RIMS1: variants seen among roughly 807,000 people sequenced by gnomAD.
RIMS1 encodes the protein regulating synaptic membrane exocytosis 1.
Under a neutral mutation model 214.1 loss-of-function variants are expected in RIMS1, and 83 were observed. The ratio of observed to expected loss-of-function variants is 0.39; its 90% CI spans 0.32 to 0.47. The LOEUF (loss-of-function observed/expected upper bound fraction) is 0.47. RIMS1 is among the 20% of genes least tolerant of loss of function. The pLI is 0.99. For synonymous variants in RIMS1, 793 were observed against 786.8 expected, an observed-to-expected ratio of 1.01 and a Z score of -0.13; for missense variants, 2,050 against 2,161.8, an observed-to-expected ratio of 0.95 and a Z score of 1.03.
chr6:72,255,639 G>C (rs995685492), intron 16 of RIMS1, among the ~76,000 whole-genome samples: 1 of 152,104 alleles, frequency 6.6e-6, no homozygotes, highest in Non-Finnish European at 1.5e-5. Context: ...TATACAGAAT[G>C]CCCTCATCTG....
At chr6:72,057,163 G>A (rs1257092414) in intron 2 of RIMS1, among the ~76,000 whole-genome samples, 1 of 152,084 alleles carries the variant, frequency 6.6e-6, no homozygotes, top group Non-Finnish European at 1.5e-5. Flanking sequence ...CAAACTTAAA[G>A]TAAAAGTTAA....
At chr6:71,968,681 A>C (rs145781166) in intron 1 of RIMS1, among the ~76,000 whole-genome samples, 1 of 152,228 alleles carries the variant, frequency 6.6e-6, no homozygotes, top group Admixed American at 6.5e-5. Flanking sequence ...TCATATGGTC[A>C]TGCCAAAGCT....
At chr6:71,971,627 G>A (rs556326951) in intron 2 of RIMS1, among the ~76,000 whole-genome samples, 22 of 152,214 alleles carry the variant, frequency 1.4e-4, no homozygotes, top group African/African-American at 4.3e-4. Flanking sequence ...AAATAAAGAG[G>A]TTTATTGGAC....
At chr6:72,344,903 T>A (rs1336821188) in intron 29 of RIMS1, among the ~76,000 whole-genome samples, 1 of 151,724 alleles carries the variant, frequency 6.6e-6, no homozygotes, top group African/African-American at 2.4e-5. Context: ...GCAGAAAAAA[T>A]TATTGATTTC....
At chr6:72,213,855 A>T (rs1208871776) in intron 6 of RIMS1, among the ~76,000 whole-genome samples, 1 of 152,182 alleles carries the variant, frequency 6.6e-6, no homozygotes, top group Non-Finnish European at 1.5e-5. Context: ...CTCCCAAGGG[A>T]AATCAGTTTT....
intron 4 of RIMS1, among the ~76,000 whole-genome samples, chr6:72,128,029 T>C (rs1241544729): frequency 6.6e-6 from 1 of 152,146 alleles, no homozygotes; most frequent in African/African-American, 2.4e-5. Flanking sequence ...GGAATTGGCT[T>C]TGTCCAAAGG....
chr6:72,038,621 G>A (rs1313439522), intron 2 of RIMS1, among the ~76,000 whole-genome samples: 4 of 152,078 alleles, frequency 2.6e-5, no homozygotes, highest in Admixed American at 2.6e-4. Context: ...GGTTATGAAG[G>A]GGAAAGAATC....
At chr6:72,230,816 C>CA (rs2061700590) in intron 6 of RIMS1, among the ~76,000 whole-genome samples, 1 of 151,436 alleles carries the variant, frequency 6.6e-6, no homozygotes, top group Non-Finnish European at 1.5e-5. Context: ...AAATCGCTCA[C>CA]AAAATATAAT....
At chr6:71,916,252 G>A (rs2150683145) in intron 1 of RIMS1, among the ~76,000 whole-genome samples, 1 of 152,226 alleles carries the variant, frequency 6.6e-6, no homozygotes, top group African/African-American at 2.4e-5. Context: ...GCTGGAATGA[G>A]CTCCCAGGAT....
rs192499496 is a variant in RIMS1, at chr6:72,099,878, G to A, written c.460-97G>A. 349 of 916,494 alleles carry A rather than the reference G, an allele frequency of 3.8e-4. 1 individual carries two copies. In the African/African-American group the frequency reaches 4.8e-3, roughly 13 times the overall value. The allele number at this position is 916,494 out of a possible 1,614,324, so 56.8% of individuals were successfully genotyped here. ...TAATACTTTGAAGAAACACATAATT[G>A]TTTTCTTAAAACCAATTTATTAATA... On this transcript the variant is annotated intron_variant, in intron 3 of 33. Transcript: ENST00000521978.
At position 72,182,490 on chromosome 6, in the gene RIMS1, C is replaced by G; in HGVS notation, c.1019C>G (p.Ala340Gly). 1 of 1,609,438 alleles carries G rather than the reference C, an allele frequency of 6.2e-7. No individual in the cohort carries two copies. Among genetic ancestry groups the G allele is most frequent in the Non-Finnish European group, 8.5e-7 (1 of 1,177,714 alleles). Residue 340 changes from alanine (A) to glycine (G), a missense_variant, in exon 6 of 34, where the codon GCG (alanine) becomes GGG (glycine). Transcript: ENST00000521978. ...TPEKRDEGKA[A>G]DEEKQRKEED... ...GAAAAACGGGATGAGGGCAAAGCGG[C>G]GGATGAGGAAAAGCAAAGAAAAGAG...
chr6:71,983,552 C>A (rs535770009), intron 2 of RIMS1, among the ~76,000 whole-genome samples: 1 of 151,954 alleles, frequency 6.6e-6, no homozygotes, highest in South Asian at 2.1e-4. Flanking sequence ...GTACAGCCAG[C>A]CTAAGTAAAT....
chr6:72,095,090 T>C (rs2030953621), intron 2 of RIMS1, among the ~76,000 whole-genome samples: 1 of 149,050 alleles, frequency 6.7e-6, no homozygotes, highest in African/African-American at 2.5e-5. Context: ...TAGCAGGGAC[T>C]ACAGCCACCG....
At chr6:71,914,201 G>A (rs993971362) in intron 1 of RIMS1, among the ~76,000 whole-genome samples, 1 of 152,086 alleles carries the variant, frequency 6.6e-6, no homozygotes, top group South Asian at 2.1e-4. Flanking sequence ...CATGTACCAG[G>A]CAGATTATGC....
At chr6:72,390,547 G>T in intron 29 of RIMS1, 51 bp from the exon 30 acceptor site, 2 of 1,531,118 alleles carry the variant, frequency 1.3e-6, no homozygotes, top group South Asian at 1.2e-5. Context: ...TGATATTCAG[G>T]AGTAAACTGT....
At chr6:72,188,526 A>G (rs924041537) in intron 6 of RIMS1, among the ~76,000 whole-genome samples, 4 of 152,260 alleles carry the variant, frequency 2.6e-5, no homozygotes, top group African/African-American at 9.6e-5. Context: ...TACATGCACA[A>G]ATATGTTCTT....
rs187005271 is a variant in RIMS1 at position 72,151,312 on chromosome 6, G to A, written c.472-28263G>A. On this transcript the variant is annotated intron_variant, in intron 4 of 33. Coordinates refer to ENST00000521978, the MANE Select transcript of RIMS1 (RefSeq NM_014989.7). Reference sequence around the variant, plus strand: ...CCGCCTCTGCCTCCCAAAGTGCTGCGATTACAGGCGTGAGCCACTGTACCC... The same window carrying A: ...CCGCCTCTGCCTCCCAAAGTGCTGCAATTACAGGCGTGAGCCACTGTACCC... Among the ~76,000 whole-genome samples, 797 of 152,278 alleles carry A rather than the reference G, an allele frequency of 5.2e-3. 4 individuals carry two copies. Among genetic ancestry groups the A allele is most frequent in the African/African-American group, 0.018 (739 of 41,550 alleles).
chr6:72,091,585 T>C (rs1471640), intron 2 of RIMS1, among the ~76,000 whole-genome samples: 51,123 of 152,086 alleles, frequency 0.34, 10,094 homozygotes, highest in South Asian at 0.47. Context: ...TTGTTTCTTT[T>C]GAAATATATG....
intron 8 of RIMS1, among the ~76,000 whole-genome samples, chr6:72,236,358 G>A (rs371998999): frequency 4.6e-4 from 70 of 152,264 alleles, no homozygotes; most frequent in Middle Eastern, 3.4e-3. Context: ...ATTAAGCTTT[G>A]CACAATGGTA....
Sources: allele counts gnomAD v4.1 joint callset (sites outside exome capture counted in the v4.1 genomes callset), GRCh38; gene constraint gnomAD v4.1.1; transcripts MANE v1.5; gene names NCBI Gene and HGNC (gene_info 2026-07-23, HGNC 2026-07-21).